Variants in TMEM181 observed in about 807,000 individuals in gnomAD.
TMEM181 encodes transmembrane protein 181, also known as G protein-coupled receptor 178.
Under a neutral mutation model 71.9 loss-of-function variants are expected in TMEM181, and 39 were observed. The ratio of observed to expected loss-of-function variants is 0.54; its 90% CI spans 0.42 to 0.71. The LOEUF (loss-of-function observed/expected upper bound fraction) is 0.71. Ranked by LOEUF, TMEM181 falls within the 30% of genes least tolerant of loss-of-function variation. The pLI, the probability that TMEM181 is intolerant of heterozygous loss-of-function variation, is 0.00. For missense variants in TMEM181, 595 were observed against 583.0 expected (o/e 1.02, Z -0.21); for synonymous variants, 245 against 228.8 (o/e 1.07, Z -0.64).
intron 10 of TMEM181, among the ~76,000 whole-genome samples, chr6:158,618,133 A>C (rs559143662): frequency 2.0e-5 from 3 of 151,148 alleles, no homozygotes; most frequent in Admixed American, 6.6e-5. Flanking sequence ...GTAGGTCTCT[A>C]AGGACTTGCT....
At chr6:158,605,206 G>A in intron 6 of TMEM181, 61 bp from the exon 7 acceptor site, 4 of 1,264,664 alleles carry the variant, frequency 3.2e-6, no homozygotes, top group African/African-American at 1.5e-5. Context: ...GTAATCTGGT[G>A]TATTTTCTCT....
At chr6:158,616,185 C>G (rs893097767) in intron 10 of TMEM181, among the ~76,000 whole-genome samples, 23 of 152,064 alleles carry the variant, frequency 1.5e-4, no homozygotes, top group African/African-American at 3.1e-4. Flanking sequence ...AGTTCTCCTT[C>G]AAGAGGTCCT....
At chr6:158,571,582 G>C (rs1195199458) in intron 1 of TMEM181, among the ~76,000 whole-genome samples, 1 of 152,098 alleles carries the variant, frequency 6.6e-6, no homozygotes, top group Non-Finnish European at 1.5e-5. Context: ...ATAGGCATGA[G>C]CCACCGCGCC....
chr6:158,625,988 C>T (rs139228325), intron 13 of TMEM181, among the ~76,000 whole-genome samples: 518 of 152,314 alleles, frequency 3.4e-3, no homozygotes, highest in African/African-American at 0.012. Flanking sequence ...ACACTCGGCC[C>T]GCGCTGGGCA....
intron 10 of TMEM181, among the ~76,000 whole-genome samples, chr6:158,619,719 A>G (rs553588652): frequency 3.9e-5 from 6 of 152,264 alleles, no homozygotes; most frequent in African/African-American, 1.2e-4. Context: ...AATACAAAAA[A>G]TTAGCCAGGC....
intron 1 of TMEM181, among the ~76,000 whole-genome samples, chr6:158,561,691 A>G (rs934555404): frequency 1.3e-5 from 2 of 152,196 alleles, no homozygotes; most frequent in African/African-American, 4.8e-5. Flanking sequence ...GACCAAGGAA[A>G]GGTCCCGAGG....
At position 158,573,459 on chromosome 6, in the gene TMEM181, C is replaced by T; in HGVS notation, c.48C>T (p.His16=). 3 of 1,603,450 alleles carry T rather than the reference C, an allele frequency of 1.9e-6. No individual in the cohort carries two copies. Among genetic ancestry groups the T allele is most frequent in the Non-Finnish European group, 2.6e-6 (3 of 1,175,198 alleles). The change falls in exon 2 of 17, where the codon CAC becomes CAT. Residue 16 remains histidine (H), a synonymous_variant. Transcript: ENST00000684151. ...GGCTCTACACGCTCTCCAAGCGCCA[C>T]TTTGTCCTCGTGTTTGTCGTCTTCT... The part of the protein sequence containing the change: ...PMRLYTLSKR[H]FVLVFVVFFI...
intron 1 of TMEM181, among the ~76,000 whole-genome samples, chr6:158,538,477 C>A (rs1032020205): frequency 7.5e-5 from 10 of 133,724 alleles, no homozygotes; most frequent in Non-Finnish European, 1.7e-4. Context: ...CCTGTATTTT[C>A]TTTTCTTGGG....
intron 1 of TMEM181, chr6:158,572,339 G>A (rs1440445600): frequency 4.4e-6 from 2 of 452,820 alleles, no homozygotes; most frequent in Non-Finnish European, 8.9e-6. Flanking sequence ...GGGTGGACGT[G>A]CGGCTGCCTG....
intron 10 of TMEM181, among the ~76,000 whole-genome samples, chr6:158,623,206 T>G (rs1382004319): frequency 6.6e-6 from 1 of 152,232 alleles, no homozygotes; most frequent in Admixed American, 6.5e-5. Context: ...TTTGTTTTCT[T>G]GTCTATTTCC....
chr6:158,593,448 G>C (rs181627782), intron 6 of TMEM181, among the ~76,000 whole-genome samples: 33 of 152,176 alleles, frequency 2.2e-4, no homozygotes, highest in African/African-American at 7.7e-4. Context: ...AAAATTATTT[G>C]AAAACAAAAC....
chr6:158,630,249 A>G (rs1225098470), intron 15 of TMEM181, among the ~76,000 whole-genome samples: 1 of 152,176 alleles, frequency 6.6e-6, no homozygotes, highest in Non-Finnish European at 1.5e-5. Flanking sequence ...TGATCCCAGC[A>G]CTTCTGGAGG....
At chr6:158,570,208 A>G (rs926248871) in intron 1 of TMEM181, among the ~76,000 whole-genome samples, 1 of 150,936 alleles carries the variant, frequency 6.6e-6, no homozygotes, top group Admixed American at 6.6e-5. Flanking sequence ...GCAGAGGGCC[A>G]GAGATAGCAG....
intron 5 of TMEM181, among the ~76,000 whole-genome samples, chr6:158,586,027 G>C (rs1008134164): frequency 2.0e-5 from 3 of 152,202 alleles, no homozygotes; most frequent in Admixed American, 2.0e-4. Context: ...GCTTTGGGTT[G>C]TTCCCAGCCG....
intron 1 of TMEM181, among the ~76,000 whole-genome samples, chr6:158,554,238 A>C (rs997214767): frequency 3.3e-5 from 5 of 152,138 alleles, no homozygotes; most frequent in African/African-American, 1.2e-4. Context: ...GGCGCCTGCC[A>C]CCACGCCCGG....
chr6:158,599,856 G>T (rs866224362), intron 6 of TMEM181, among the ~76,000 whole-genome samples: 66 of 152,374 alleles, frequency 4.3e-4, no homozygotes, highest in African/African-American at 1.6e-3. Flanking sequence ...TGAGCTGTCA[G>T]CTGGGCTGGC....
At chr6:158,542,270 G>A (rs1454351980) in intron 1 of TMEM181, among the ~76,000 whole-genome samples, 1 of 152,050 alleles carries the variant, frequency 6.6e-6, no homozygotes, top group Admixed American at 6.6e-5. Context: ...ATAGTATTGG[G>A]CATTTTTATG....
intron 6 of TMEM181, among the ~76,000 whole-genome samples, chr6:158,600,023 C>T (rs1039898057): frequency 8.5e-5 from 13 of 152,200 alleles, no homozygotes; most frequent in Non-Finnish European, 1.2e-4. Context: ...GAAGGCGCCG[C>T]GTGCCTCCTG....
chr6:158,610,588 G>T, intron 10 of TMEM181: 1 of 417,998 alleles, frequency 2.4e-6, no homozygotes, highest in South Asian at 7.5e-5. Flanking sequence ...TCTCCTCTTG[G>T]AATGTTCTTC....
Sources: gnomAD v4.1 joint callset for allele counts (sites outside exome capture counted in the v4.1 genomes callset) on GRCh38, gnomAD v4.1.1 for gene constraint, MANE v1.5 for transcripts, NCBI Gene and HGNC (gene_info 2026-07-23, HGNC 2026-07-21) for gene names.